HELZ: variants seen among roughly 807,000 people sequenced by gnomAD.
HELZ encodes helicase with zinc finger.
A neutral mutation model predicts 218.2 loss-of-function variants in HELZ; 23 were observed. The observed-to-expected ratio is 0.11, with a 90% CI of 0.08 to 0.15. HELZ has a LOEUF of 0.15. Ranked by LOEUF, HELZ falls within the 10% of genes least tolerant of loss-of-function variation. The probability of loss-of-function intolerance (pLI) is 1.00; values close to 1 mark genes in which losing one functional copy is unlikely to be tolerated. For synonymous variants in HELZ, 814 were observed against 829.4 expected, an observed-to-expected ratio of 0.98 and a Z score of 0.32; for missense variants, 1,813 against 2,353.7, an observed-to-expected ratio of 0.77 and a Z score of 4.75.
Position 67,070,885 on chromosome 17 carries a change from G to A in HELZ, c.*7367C>T, listed in dbSNP as rs1162347007. ...CCTCAGTTTTGTACAGCTTCCCTCA[G>A]GAAGACTTCCCAAAATAAGACTCAG... On this transcript the variant is annotated 3_prime_UTR_variant, in exon 33 of 33. Coordinates refer to ENST00000358691, the MANE Select transcript of HELZ (RefSeq NM_014877.4). 1 of 151,978 alleles carries A rather than the reference G, an allele frequency of 6.6e-6. No homozygotes were observed. Among genetic ancestry groups the A allele is most frequent in the African/African-American group, 2.4e-5 (1 of 41,360 alleles). 9.4% of individuals were successfully genotyped at this position (151,978 alleles called of 1,614,324 possible). A position where few individuals can be genotyped will look rare whatever the true frequency, so the allele number is the denominator to read the frequency against.
intron 25 of HELZ, 135 bp from the exon 26 acceptor site, chr17:67,123,295 G>T: frequency 4.0e-6 from 2 of 505,330 alleles, no homozygotes; most frequent in Non-Finnish European, 6.5e-6. Context: ...AATTATCAGT[G>T]TGGAAAAGTA....
At chr17:67,095,577 T>G (rs951166882) in intron 31 of HELZ, among the ~76,000 whole-genome samples, 1 of 152,126 alleles carries the variant, frequency 6.6e-6, no homozygotes, top group African/African-American at 2.4e-5. Flanking sequence ...ATTCCTCATC[T>G]ACCCAAGTTC....
chr17:67,124,925 T>C (rs188889231), intron 24 of HELZ, among the ~76,000 whole-genome samples: 10 of 152,112 alleles, frequency 6.6e-5, no homozygotes, highest in Non-Finnish European at 1.2e-4. Flanking sequence ...ATCAAGCCAA[T>C]TGAGGAAAAG....
chr17:67,189,924 T>G (rs1180153418), intron 10 of HELZ, among the ~76,000 whole-genome samples: 1 of 152,178 alleles, frequency 6.6e-6, no homozygotes, highest in Admixed American at 6.5e-5. Flanking sequence ...ACTCAAAAAC[T>G]GCCTGAATGA....
intron 3 of HELZ, among the ~76,000 whole-genome samples, chr17:67,230,320 G>A (rs2041002361): frequency 6.6e-6 from 1 of 152,090 alleles, no homozygotes. Flanking sequence ...AAGCAAGGCT[G>A]GGCACAGTGG....
chr17:67,133,305 A>C (rs1213047366), intron 23 of HELZ, among the ~76,000 whole-genome samples: 8 of 152,232 alleles, frequency 5.3e-5, no homozygotes. Flanking sequence ...GATAATTCTG[A>C]GAACATGGCC....
At chr17:67,154,005 A>G (rs2038766378) in intron 17 of HELZ, among the ~76,000 whole-genome samples, 1 of 152,208 alleles carries the variant, frequency 6.6e-6, no homozygotes, top group Non-Finnish European at 1.5e-5. Context: ...AAGAGCCACC[A>G]TTTGTTACTA....
At chr17:67,226,207 C>T (rs1013538230) in intron 3 of HELZ, among the ~76,000 whole-genome samples, 3 of 147,686 alleles carry the variant, frequency 2.0e-5, no homozygotes, top group African/African-American at 5.0e-5. Flanking sequence ...TGCAGTGAGC[C>T]GAGATCGCAC....
chr17:67,110,122 C>T (rs939095712), intron 28 of HELZ, among the ~76,000 whole-genome samples: 2 of 152,032 alleles, frequency 1.3e-5, no homozygotes, highest in Non-Finnish European at 2.9e-5. Context: ...GGCTGCAGTG[C>T]AGTGGCACCA....
At chr17:67,162,794 G>C (rs2039028217) in intron 15 of HELZ, among the ~76,000 whole-genome samples, 1 of 150,048 alleles carries the variant, frequency 6.7e-6, no homozygotes, top group Non-Finnish European at 1.5e-5. Context: ...TTCCACAGCT[G>C]ACCAGGAAAA....
chr17:67,233,467 G>T (rs769324696), intron 3 of HELZ, among the ~76,000 whole-genome samples: 39 of 152,112 alleles, frequency 2.6e-4, no homozygotes, highest in Non-Finnish European at 4.4e-4. Flanking sequence ...AGACACCACC[G>T]CTAAGAACCT....
intron 28 of HELZ, among the ~76,000 whole-genome samples, chr17:67,111,166 C>G (rs2037270457): frequency 6.6e-6 from 1 of 152,144 alleles, no homozygotes; most frequent in Non-Finnish European, 1.5e-5. Context: ...GAGGAAACTA[C>G]AAGAGCCCAA....
intron 31 of HELZ, among the ~76,000 whole-genome samples, chr17:67,087,347 A>C (rs2036425041): frequency 6.6e-6 from 1 of 152,172 alleles, no homozygotes; most frequent in South Asian, 2.1e-4. Context: ...TATATGTCTG[A>C]TTTCTGATTC....
chr17:67,107,493 T>C lies in HELZ; in HGVS notation c.4917A>G (p.Arg1639=). 6.2e-7 allele frequency: 1 copy of C among 1,614,182 alleles called. No homozygotes were observed. The highest frequency in any genetic ancestry group is 2.2e-5 in the East Asian group (1 of 44,884). The part of the protein sequence containing the change: ...SHFSNFNDNS[R]DIEVASNPAF... ...CTGGGTTGCTGGCTACTTCAATGTCTCTGCTGTTATCATTAAAGTTAGAAA... is the reference window on the plus strand; with the variant it reads ...CTGGGTTGCTGGCTACTTCAATGTCCCTGCTGTTATCATTAAAGTTAGAAA... The change falls in exon 31 of 33, where the codon AGA becomes AGG. Residue 1639 remains arginine (R), a synonymous_variant. Coordinates refer to ENST00000358691, the MANE Select transcript of HELZ (RefSeq NM_014877.4).
intron 13 of HELZ, among the ~76,000 whole-genome samples, chr17:67,171,236 C>T (rs889502415): frequency 6.6e-6 from 1 of 152,150 alleles, no homozygotes; most frequent in South Asian, 2.1e-4. Flanking sequence ...AGGTCACCCT[C>T]TCCCAGATCT....
In HELZ at chr17:67,134,122, G is replaced by A. The variant is rs1168309571; in HGVS notation, c.3182+1848C>T. Among the ~76,000 whole-genome samples the A allele has an allele frequency of 5.3e-5, 8 of 152,106 alleles. No homozygotes were observed. In the East Asian group the frequency reaches 9.6e-4, roughly 18 times the overall value. Reference sequence around the variant, plus strand: ...TTCTCGACTAGGCGCGGTGGCTCACGCCTGTAATCCTAGCAATTTGGGAAG... The same window carrying A: ...TTCTCGACTAGGCGCGGTGGCTCACACCTGTAATCCTAGCAATTTGGGAAG... On this transcript the variant is annotated intron_variant, in intron 23 of 32. Transcript: ENST00000358691.
At chr17:67,223,708 C>T (rs57023080) in intron 3 of HELZ, among the ~76,000 whole-genome samples, 5,858 of 152,080 alleles carry the variant, frequency 0.039, 383 homozygotes, top group African/African-American at 0.13. Flanking sequence ...GCTGAGATTG[C>T]GCCATTGCAC....
chr17:67,110,423 T>C (rs568621547), intron 28 of HELZ, among the ~76,000 whole-genome samples: 98 of 152,310 alleles, frequency 6.4e-4, no homozygotes, highest in Middle Eastern at 3.4e-3. Flanking sequence ...TCTATGTTAA[T>C]AAAAAGATGT....
At chr17:67,100,923 C>T (rs547691480) in intron 31 of HELZ, among the ~76,000 whole-genome samples, 1 of 151,566 alleles carries the variant, frequency 6.6e-6, no homozygotes, top group South Asian at 2.1e-4. Flanking sequence ...ACATGGTGAA[C>T]CCCCGTCTCT....
Sources: allele counts gnomAD v4.1 joint callset (sites outside exome capture counted in the v4.1 genomes callset), GRCh38; gene constraint gnomAD v4.1.1; transcripts MANE v1.5; gene names NCBI Gene and HGNC (gene_info 2026-07-23, HGNC 2026-07-21).